Variants in SORCS2 observed in about 807,000 individuals in gnomAD.
The protein encoded by SORCS2 is VPS10 domain-containing receptor SorCS2.
A neutral mutation model predicts 141.6 loss-of-function variants in SORCS2; 100 were observed. The observed-to-expected ratio is 0.71, with a 90% confidence interval of 0.60 to 0.83. SORCS2 has a LOEUF of 0.83. Ranked by LOEUF, SORCS2 falls within the 40% of genes least tolerant of loss-of-function variation. SORCS2 has a pLI of 0.00. For synonymous variants in SORCS2, 789 were observed against 676.9 expected, an observed-to-expected ratio of 1.17 and a Z score of -2.57; for missense variants, 1,646 against 1,560.2, an observed-to-expected ratio of 1.05 and a Z score of -0.93.
In SORCS2 at chr4:7,740,353, C is replaced by T. The variant is rs1312775210; in HGVS notation, c.*89C>T. ...TGGACTGGCGCCCCTCAGAGACCTG[C>T]GGAAAGCCCCCTCCCTGAGTCGTCG... is the stretch of plus-strand genomic sequence containing the variant. On this transcript the variant is annotated 3_prime_UTR_variant, in exon 27 of 27. Coordinates refer to ENST00000507866, the MANE Select transcript of SORCS2 (RefSeq NM_020777.3). 9 of 1,206,456 alleles carry T rather than the reference C, an allele frequency of 7.5e-6. No homozygotes were observed. Among genetic ancestry groups the T allele is most frequent in the African/African-American group, 6.0e-5 (4 of 66,354 alleles). 74.7% of individuals were successfully genotyped at this position (1,206,456 alleles called of 1,614,324 possible). A position where few individuals can be genotyped will look rare whatever the true frequency, so the allele number is the denominator to read the frequency against.
At chr4:7,396,236 A>G in intron 1 of SORCS2, 52 bp from the exon 2 acceptor site, 1 of 1,574,922 alleles carries the variant, frequency 6.3e-7, no homozygotes, top group Non-Finnish European at 8.7e-7. Context: ...CCTCTCTTTG[A>G]GAACCTTGGC....
chr4:7,662,251 C>T (rs1344090152), intron 6 of SORCS2, among the ~76,000 whole-genome samples: 2 of 150,350 alleles, frequency 1.3e-5, no homozygotes, highest in African/African-American at 4.9e-5. Flanking sequence ...CCCCACCCTG[C>T]CACACTTGGG....
At chr4:7,569,416 G>A (rs2109704707) in intron 3 of SORCS2, among the ~76,000 whole-genome samples, 1 of 152,300 alleles carries the variant, frequency 6.6e-6, no homozygotes, top group South Asian at 2.1e-4. Context: ...GGAGGCTGGG[G>A]CAGGAGAATT....
chr4:7,714,136 G>T, intron 15 of SORCS2, 104 bp from the exon 16 acceptor site: 1 of 1,461,614 alleles, frequency 6.8e-7, no homozygotes. Context: ...TCTGTAACCT[G>T]AGCCATCAGC....
chr4:7,539,567 CTCCT>C (rs1356951224), intron 3 of SORCS2, among the ~76,000 whole-genome samples: 1 of 152,182 alleles, frequency 6.6e-6, no homozygotes, highest in Non-Finnish European at 1.5e-5. Flanking sequence ...CTCTCCCTCC[CTCCT>C]TGTTTTCTTC....
chr4:7,449,744 T>C (rs1728322192), intron 2 of SORCS2, among the ~76,000 whole-genome samples: 2 of 152,018 alleles, frequency 1.3e-5, no homozygotes, highest in African/African-American at 2.4e-5. Flanking sequence ...GTCTGTGCTG[T>C]CTCCAGCCAT....
intron 1 of SORCS2, among the ~76,000 whole-genome samples, chr4:7,209,075 A>T (rs4234795): frequency 6.6e-6 from 1 of 152,178 alleles, no homozygotes; most frequent in Non-Finnish European, 1.5e-5. Context: ...TGCAAGCTGC[A>T]GACCTCGTGA....
At chr4:7,599,815 TC>T (rs1717535707) in intron 3 of SORCS2, among the ~76,000 whole-genome samples, 1 of 149,274 alleles carries the variant, frequency 6.7e-6, no homozygotes, top group Non-Finnish European at 1.5e-5. Context: ...GGGTGGGTTT[TC>T]TTTTTTCTTT....
At position 7,676,205 on chromosome 4, in the gene SORCS2, G is replaced by C. The variant is rs1466071205; in HGVS notation, c.1317G>C (p.Glu439Asp). ...TGCGCAGCTCACGGCAGGCGGAGGAGAGCGTGCTCATCGACATCCTGGAGG... is the reference window on the plus strand; with the variant it reads ...TGCGCAGCTCACGGCAGGCGGAGGACAGCGTGCTCATCGACATCCTGGAGG... ...QDVRSSRQAE[E>D]SVLIDILEVR... The change falls in exon 9 of 27, where the codon GAG (glutamate) becomes GAC (aspartate). Residue 439 changes from glutamate to aspartate, a missense_variant. By Grantham distance (45) the Glu-to-Asp change is conservative (BLOSUM62 2). Coordinates refer to ENST00000507866, the MANE Select transcript of SORCS2 (RefSeq NM_020777.3). The C allele has an allele frequency of 1.3e-6, 2 of 1,551,784 alleles. No homozygotes were observed. Among genetic ancestry groups the C allele is most frequent in the Non-Finnish European group, 1.7e-6 (2 of 1,147,366 alleles).
At chr4:7,408,788 C>T (rs572614717) in intron 2 of SORCS2, among the ~76,000 whole-genome samples, 1 of 152,160 alleles carries the variant, frequency 6.6e-6, no homozygotes, top group South Asian at 2.1e-4. Context: ...GATCTTTGTT[C>T]CTTTTTATTC....
intron 3 of SORCS2, among the ~76,000 whole-genome samples, chr4:7,564,583 T>C (rs967708331): frequency 6.6e-5 from 10 of 152,318 alleles, no homozygotes; most frequent in African/African-American, 2.2e-4. Flanking sequence ...TACTGGGTGG[T>C]GGCATGCCTG....
chr4:7,316,010 C>T (rs562643881), intron 1 of SORCS2, among the ~76,000 whole-genome samples: 1 of 152,242 alleles, frequency 6.6e-6, no homozygotes, highest in South Asian at 2.1e-4. Context: ...TTCATCTATC[C>T]TTTCTATCCA....
At chr4:7,326,564 G>C (rs1046373945) in intron 1 of SORCS2, among the ~76,000 whole-genome samples, 8 of 152,094 alleles carry the variant, frequency 5.3e-5, no homozygotes, top group African/African-American at 1.9e-4. Context: ...CTGAACATTG[G>C]GGAATCTCTT....
intron 1 of SORCS2, among the ~76,000 whole-genome samples, chr4:7,300,443 T>C (rs966069362): frequency 6.6e-6 from 1 of 152,056 alleles, no homozygotes; most frequent in African/African-American, 2.4e-5. Context: ...TCTGCACCAC[T>C]CTCACCAAGC....
intron 2 of SORCS2, among the ~76,000 whole-genome samples, chr4:7,447,201 C>G (rs1041661456): frequency 6.6e-6 from 1 of 152,224 alleles, no homozygotes; most frequent in Non-Finnish European, 1.5e-5. Context: ...CTCCTTGTAA[C>G]TCCCTGCAGG....
At chr4:7,729,860 C>T (rs1000410967) in intron 23 of SORCS2, 148 bp downstream of exon 23, 12 of 1,197,670 alleles carry the variant, frequency 1.0e-5, no homozygotes, top group South Asian at 8.1e-5. Context: ...GGCTTGACCT[C>T]GTCCACCTGT....
intron 11 of SORCS2, among the ~76,000 whole-genome samples, chr4:7,696,719 A>G (rs1288023738): frequency 6.6e-6 from 1 of 152,194 alleles, no homozygotes; most frequent in Admixed American, 6.5e-5. Flanking sequence ...GCAGATAGTG[A>G]GACCCTGGTG....
At chr4:7,591,529 T>C (rs1037781411) in intron 3 of SORCS2, among the ~76,000 whole-genome samples, 2 of 152,150 alleles carry the variant, frequency 1.3e-5, no homozygotes, top group Non-Finnish European at 2.9e-5. Context: ...GTGTGGACTT[T>C]TGGCTGTGGC....
chr4:7,502,470 A>G (rs1255969561), intron 2 of SORCS2, among the ~76,000 whole-genome samples: 1 of 152,180 alleles, frequency 6.6e-6, no homozygotes, highest in Non-Finnish European at 1.5e-5. Context: ...GGGGACATTC[A>G]AGGGTCTGGT....
Sources: allele counts gnomAD v4.1 joint callset (sites outside exome capture counted in the v4.1 genomes callset), GRCh38; gene constraint gnomAD v4.1.1; transcripts MANE v1.5; gene names NCBI Gene and HGNC (gene_info 2026-07-23, HGNC 2026-07-21).